CAMK1D: variants seen among roughly 807,000 people sequenced by gnomAD.
CAMK1D encodes calcium/calmodulin-dependent protein kinase type 1D.
In CAMK1D, 9 loss-of-function variants were observed where a neutral mutation model predicts 47.7. That is an observed-to-expected ratio of 0.19 (90% CI 0.11 to 0.33). The LOEUF (loss-of-function observed/expected upper bound fraction) is 0.33. Among genes scored for constraint, CAMK1D ranks in the 10% least tolerant of loss-of-function variants. CAMK1D has a pLI of 1.00. For missense variants in CAMK1D, 291 were observed against 488.7 expected, an observed-to-expected ratio of 0.60 and a Z score of 3.81; for synonymous variants, 184 against 184.9, an observed-to-expected ratio of 0.99 and a Z score of 0.04.
At chr10:12,397,003 T>C (rs1250250488) in intron 1 of CAMK1D, among the ~76,000 whole-genome samples, 3 of 152,236 alleles carry the variant, frequency 2.0e-5, no homozygotes, top group Non-Finnish European at 4.4e-5. Context: ...CCCTGTCGGC[T>C]GACCCAGCTC....
chr10:12,814,400 G>A, intron 7 of CAMK1D, 93 bp downstream of exon 7: 1 of 742,940 alleles, frequency 1.3e-6, no homozygotes, highest in Admixed American at 2.1e-5. Flanking sequence ...ACCCTGGGGG[G>A]CTCAGAACAG....
chr10:12,409,560 A>C (rs1351799401), intron 1 of CAMK1D, among the ~76,000 whole-genome samples: 1 of 152,350 alleles, frequency 6.6e-6, no homozygotes, highest in Non-Finnish European at 1.5e-5. Flanking sequence ...CTAGGACTAC[A>C]AGTTGACACC....
chr10:12,548,302 A>G (rs1836463213), intron 1 of CAMK1D, among the ~76,000 whole-genome samples: 1 of 152,122 alleles, frequency 6.6e-6, no homozygotes, highest in African/African-American at 2.4e-5. Context: ...TTTCTCCTTT[A>G]GGGAGGTATT....
intron 3 of CAMK1D, among the ~76,000 whole-genome samples, chr10:12,720,241 A>T (rs539627074): frequency 3.0e-4 from 45 of 152,234 alleles, no homozygotes; most frequent in Non-Finnish European, 5.4e-4. Flanking sequence ...GAATTAGGGT[A>T]TAAAAGAACC....
intron 1 of CAMK1D, among the ~76,000 whole-genome samples, chr10:12,488,445 GACTGTCT>G (rs1385256076): frequency 6.6e-6 from 1 of 152,146 alleles, no homozygotes; most frequent in Non-Finnish European, 1.5e-5. Context: ...CATGAATACA[GACTGTCT>G]CCCTCAGTGG....
chr10:12,635,615 T>C (rs17152037), intron 2 of CAMK1D, among the ~76,000 whole-genome samples: 38,676 of 152,056 alleles, frequency 0.25, 5,135 homozygotes, highest in South Asian at 0.39. Context: ...GATCTATCGG[T>C]TCATGGCTTT....
intron 1 of CAMK1D, among the ~76,000 whole-genome samples, chr10:12,444,011 A>G (rs1330609652): frequency 6.6e-6 from 1 of 152,184 alleles, no homozygotes; most frequent in Admixed American, 6.5e-5. Flanking sequence ...TTTAGACCAT[A>G]TAGGGTAACT....
At chr10:12,420,107 C>T (rs999346287) in intron 1 of CAMK1D, among the ~76,000 whole-genome samples, 5 of 152,098 alleles carry the variant, frequency 3.3e-5, no homozygotes, top group Non-Finnish European at 7.4e-5. Flanking sequence ...CTACAGGTGC[C>T]TGTCACCACG....
intron 3 of CAMK1D, among the ~76,000 whole-genome samples, chr10:12,670,126 C>CTTTT (rs58173311): frequency 1.1e-5 from 1 of 88,210 alleles, no homozygotes; most frequent in African/African-American, 4.1e-5. Flanking sequence ...TACCGTTTTG[C>CTTTT]TTTTTTTTTT....
rs1220177455 is a variant in CAMK1D, at chr10:12,534,866, CAT to C, written c.93-18358_93-18357del. Among the ~76,000 whole-genome samples, 12 of 149,590 alleles carry C rather than the reference CAT, an allele frequency of 8.0e-5. No homozygotes were observed. In the Admixed American group the frequency reaches 8.1e-4, roughly 10 times the overall value. ...CAGGCGGTGAACTAGAATGGCGAGT[CAT>C]GTGTGAGAGGTGTTTGTGGGCCAGC... On this transcript the variant is annotated intron_variant, in intron 1 of 10. Transcript: ENST00000619168.
At chr10:12,704,267 C>T (rs1346184832) in intron 3 of CAMK1D, among the ~76,000 whole-genome samples, 2 of 152,120 alleles carry the variant, frequency 1.3e-5, no homozygotes, top group Non-Finnish European at 2.9e-5. Context: ...TGGCTGTTAT[C>T]AGCATTTCAT....
intron 5 of CAMK1D, among the ~76,000 whole-genome samples, chr10:12,788,314 C>G (rs1250013889): frequency 6.6e-6 from 1 of 152,234 alleles, no homozygotes; most frequent in Non-Finnish European, 1.5e-5. Flanking sequence ...AGGTTGTGCC[C>G]TGAAGTTTGT....
At chr10:12,805,448 G>A (rs991093596) in intron 6 of CAMK1D, among the ~76,000 whole-genome samples, 5 of 144,636 alleles carry the variant, frequency 3.5e-5, no homozygotes, top group Non-Finnish European at 7.5e-5. Context: ...TCAGCTCACT[G>A]CAAACTCCAC....
chr10:12,400,021 A>G (rs1225020963), intron 1 of CAMK1D, among the ~76,000 whole-genome samples: 4 of 152,186 alleles, frequency 2.6e-5, no homozygotes, highest in Admixed American at 6.5e-5. Context: ...CCTAGGAGCA[A>G]TGGTTCAGTA....
intron 2 of CAMK1D, among the ~76,000 whole-genome samples, chr10:12,585,361 C>G (rs780791811): frequency 1.3e-5 from 2 of 152,232 alleles, no homozygotes; most frequent in Non-Finnish European, 2.9e-5. Context: ...TTTAAGCTGC[C>G]TCCGCCTGGG....
chr10:12,370,784 C>A (rs1490753737), intron 1 of CAMK1D, among the ~76,000 whole-genome samples: 1 of 152,008 alleles, frequency 6.6e-6, no homozygotes. Context: ...AATTTTTGTA[C>A]TTTAGTAGAG....
chr10:12,516,617 G>C (rs1227717576), intron 1 of CAMK1D, among the ~76,000 whole-genome samples: 1 of 152,226 alleles, frequency 6.6e-6, no homozygotes, highest in Non-Finnish European at 1.5e-5. Context: ...AGCGTATCAT[G>C]ATGCTGTTGC....
At chr10:12,658,306 C>T (rs546030308) in intron 2 of CAMK1D, among the ~76,000 whole-genome samples, 74 of 151,854 alleles carry the variant, frequency 4.9e-4, no homozygotes, top group African/African-American at 1.7e-3. Flanking sequence ...CACTCAGAGA[C>T]GAAGGTGTGC....
At chr10:12,666,220 T>G (rs1840426247) in intron 2 of CAMK1D, among the ~76,000 whole-genome samples, 1 of 152,068 alleles carries the variant, frequency 6.6e-6, no homozygotes, top group African/African-American at 2.4e-5. Flanking sequence ...GGTTGGTTTT[T>G]TTTTTCCTTA....
Sources: gnomAD v4.1 joint callset for allele counts (sites outside exome capture counted in the v4.1 genomes callset) on GRCh38, gnomAD v4.1.1 for gene constraint, MANE v1.5 for transcripts, NCBI Gene and HGNC (gene_info 2026-07-23, HGNC 2026-07-21) for gene names.